Variants in DLGAP1 observed in about 807,000 individuals in gnomAD.
DLGAP1 encodes the protein disks large-associated protein 1.
A neutral mutation model predicts 90.8 loss-of-function variants in DLGAP1; 11 were observed. That is an observed-to-expected ratio of 0.12 (90% CI 0.08 to 0.20). The LOEUF (loss-of-function observed/expected upper bound fraction) is 0.20, where lower values mean the gene tolerates loss of function less well. DLGAP1 is among the 10% of genes least tolerant of loss of function. The pLI is 1.00. For missense variants in DLGAP1, 1,050 were observed against 1,333.8 expected (o/e 0.79, Z 3.31); for synonymous variants, 558 against 540.7 (o/e 1.03, Z -0.44).
intron 7 of DLGAP1, among the ~76,000 whole-genome samples, chr18:3,601,049 GATAGATAT>G (rs201269642): frequency 0.019 from 2,708 of 144,710 alleles, 79 homozygotes; most frequent in African/African-American, 0.052. Flanking sequence ...TAAAGATATA[GATAGATAT>G]ATAGATATAT....
chr18:3,913,058 A>G (rs2072069816), intron 3 of DLGAP1, among the ~76,000 whole-genome samples: 1 of 152,140 alleles, frequency 6.6e-6, no homozygotes, highest in Admixed American at 6.5e-5. Flanking sequence ...TTGTGGTTCT[A>G]TAGTCTTTAC....
intron 7 of DLGAP1, among the ~76,000 whole-genome samples, chr18:3,682,580 G>A (rs34049781): frequency 0.16 from 23,701 of 152,166 alleles, 2,295 homozygotes; most frequent in East Asian, 0.45. Flanking sequence ...GAGTCAGAAG[G>A]CCTAGATTCA....
intron 1 of DLGAP1, among the ~76,000 whole-genome samples, chr18:4,312,044 T>C (rs2080414018): frequency 1.3e-5 from 2 of 152,058 alleles, no homozygotes; most frequent in South Asian, 2.1e-4. Flanking sequence ...AGAGACAGGA[T>C]TTCACCATGT....
rs754836327 is a variant in DLGAP1, at chr18:3,545,507, GAAAT to G, written c.2058-10896_2058-10893del. ...ATTTAAAGGAAGAGGTTGTAAGATT[GAAAT>G]AAAAAGCGAAACCAACTATATATTG... On this transcript the variant is annotated intron_variant, in intron 9 of 12. Transcript: ENST00000315677. 5.3e-5 allele frequency among the ~76,000 whole-genome samples: 8 copies of G among 152,110 alleles called. 2 individuals carry two copies. The highest frequency in any genetic ancestry group is 1.9e-4 in the East Asian group (1 of 5,152).
At chr18:4,419,640 A>G (rs11661662) in intron 1 of DLGAP1, among the ~76,000 whole-genome samples, 14,615 of 128,964 alleles carry the variant, frequency 0.11, 819 homozygotes, top group African/African-American at 0.18. Flanking sequence ...AAATAATAAG[A>G]TAAAGGATGG....
intron 1 of DLGAP1, among the ~76,000 whole-genome samples, chr18:4,269,027 G>A (rs938080533): frequency 3.9e-5 from 6 of 151,990 alleles, no homozygotes; most frequent in African/African-American, 1.4e-4. Flanking sequence ...AAATGTAAAT[G>A]TCAGATTGAT....
At chr18:4,438,283 C>A (rs2083450127) in intron 1 of DLGAP1, among the ~76,000 whole-genome samples, 1 of 152,058 alleles carries the variant, frequency 6.6e-6, no homozygotes, top group South Asian at 2.1e-4. Context: ...ATGTTATCAT[C>A]TGATGGGTCC....
At chr18:4,427,525 T>C (rs1217230858) in intron 1 of DLGAP1, among the ~76,000 whole-genome samples, 1 of 152,134 alleles carries the variant, frequency 6.6e-6, no homozygotes, top group Admixed American at 6.5e-5. Context: ...GTTTTGTAAA[T>C]TGGCATGGCA....
chr18:4,129,201 T>C (rs561171593), intron 2 of DLGAP1, among the ~76,000 whole-genome samples: 3 of 152,274 alleles, frequency 2.0e-5, no homozygotes, highest in African/African-American at 7.2e-5. Context: ...AAGAATCCTT[T>C]TGATAAATTC....
intron 1 of DLGAP1, among the ~76,000 whole-genome samples, chr18:4,391,643 C>T (rs1002398654): frequency 6.6e-6 from 1 of 152,112 alleles, no homozygotes; most frequent in African/African-American, 2.4e-5. Flanking sequence ...ATTTAAATAA[C>T]CTGGTCCTTC....
intron 3 of DLGAP1, among the ~76,000 whole-genome samples, chr18:3,961,891 C>G (rs913613607): frequency 2.6e-5 from 4 of 152,188 alleles, no homozygotes; most frequent in Non-Finnish European, 5.9e-5. Context: ...GGGCACAGGA[C>G]AGTGGCTTGG....
rs987974118 is a variant in DLGAP1, at chr18:3,741,407, C to T, written c.1350+928G>A. Among the ~76,000 whole-genome samples the T allele has an allele frequency of 1.7e-4, 25 of 150,132 alleles. 1 individual carries two copies. Among genetic ancestry groups the T allele is most frequent in the African/African-American group, 6.1e-4 (25 of 40,656 alleles). On this transcript the variant is annotated intron_variant, in intron 6 of 12. Transcript: ENST00000315677. Reference sequence around the variant, plus strand: ...ATCATCACAATCACCACTGCCATTACTATTACCATCACTGTCACCACCATC... The same window carrying T: ...ATCATCACAATCACCACTGCCATTATTATTACCATCACTGTCACCACCATC...
intron 1 of DLGAP1, among the ~76,000 whole-genome samples, chr18:4,348,265 C>G (rs958795490): frequency 1.3e-5 from 2 of 151,904 alleles, no homozygotes; most frequent in African/African-American, 4.8e-5. Context: ...TGAAGTTTCT[C>G]AATGTTAAAA....
chr18:4,333,022 T>C (rs1247531915), intron 1 of DLGAP1, among the ~76,000 whole-genome samples: 2 of 152,024 alleles, frequency 1.3e-5, no homozygotes, highest in Non-Finnish European at 2.9e-5. Context: ...TATCCTGCTT[T>C]CCTGTGTAAC....
At chr18:3,559,400 A>T (rs367718533) in intron 9 of DLGAP1, among the ~76,000 whole-genome samples, 4 of 152,296 alleles carry the variant, frequency 2.6e-5, no homozygotes, top group African/African-American at 9.6e-5. Flanking sequence ...TTGGATTAAC[A>T]TCTACCATAT....
At chr18:4,079,891 A>C (rs903855533) in intron 2 of DLGAP1, among the ~76,000 whole-genome samples, 1 of 152,142 alleles carries the variant, frequency 6.6e-6, no homozygotes, top group Non-Finnish European at 1.5e-5. Context: ...GAGAGAAAAG[A>C]AGCAGAAAGC....
intron 9 of DLGAP1, among the ~76,000 whole-genome samples, chr18:3,549,949 T>C (rs1353258659): frequency 6.6e-6 from 1 of 151,382 alleles, no homozygotes. Context: ...AGTCTCGCTC[T>C]GTTGCCCAGG....
chr18:3,647,994 CAACA>C (rs1289814590), intron 7 of DLGAP1, among the ~76,000 whole-genome samples: 1 of 152,132 alleles, frequency 6.6e-6, no homozygotes, highest in Non-Finnish European at 1.5e-5. Flanking sequence ...TGTATAAAAT[CAACA>C]ATGGGATATA....
chr18:4,292,155 T>G (rs972582928), intron 1 of DLGAP1, among the ~76,000 whole-genome samples: 1 of 152,152 alleles, frequency 6.6e-6, no homozygotes, highest in African/African-American at 2.4e-5. Context: ...TTGTTCAAAA[T>G]TGAATAGCAT....
Sources: allele counts gnomAD v4.1 joint callset (sites outside exome capture counted in the v4.1 genomes callset), GRCh38; gene constraint gnomAD v4.1.1; transcripts MANE v1.5; gene names NCBI Gene and HGNC (gene_info 2026-07-23, HGNC 2026-07-21).